Variants in ERCC5 observed in about 807,000 individuals in gnomAD.
The protein encoded by ERCC5 is ERCC excision repair 5, endonuclease, also known as DNA excision repair protein ERCC-5.
A neutral mutation model predicts 105.6 loss-of-function variants in ERCC5; 68 were observed. That is an observed-to-expected ratio of 0.64 (90% CI 0.53 to 0.79). The LOEUF is 0.79. Among genes scored for constraint, ERCC5 ranks in the 30% least tolerant of loss-of-function variants. The pLI is 0.00. For missense variants in ERCC5, 1,373 were observed against 1,426.7 expected (o/e 0.96, Z 0.61); for synonymous variants, 546 against 526.2 (o/e 1.04, Z -0.51).
intron 1 of ERCC5, among the ~76,000 whole-genome samples, chr13:102,847,513 G>A (rs1388404847): frequency 6.6e-6 from 1 of 151,834 alleles, no homozygotes; most frequent in Non-Finnish European, 1.5e-5. Context: ...TTCTTCAGTA[G>A]GTACAAAACT....
chr13:102,850,037 G>A (rs904196661), intron 1 of ERCC5, among the ~76,000 whole-genome samples: 14 of 151,788 alleles, frequency 9.2e-5, no homozygotes, highest in Non-Finnish European at 1.6e-4. Context: ...CGCCTCCCAG[G>A]TTCAATCGAT....
rs1470618547 is a variant in ERCC5 at position 102,862,846 on chromosome 13, A to G, written c.1697A>G (p.Glu566Gly). The change falls in exon 8 of 15, where the codon GAA (glutamate) becomes GGA (glycine). Residue 566 changes from glutamate to glycine, a missense_variant. Around this residue, in one of 3 missense-constraint regions of ERCC5, gnomAD observed 1,004 missense variants for 1,059.7 expected, o/e 0.95. Transcript: ENST00000652225. ...FDSSLLSSDD[E>G]TKCKPNSASE... ...TCTTCTCTTCTTTCAAGTGATGATG[A>G]AACAAAATGTAAACCGAATTCTGCT... is the stretch of plus-strand genomic sequence containing the variant. The G allele has an allele frequency of 6.2e-7, 1 of 1,614,256 alleles. No individual in the cohort carries two copies. Among genetic ancestry groups the G allele is most frequent in the South Asian group, 1.1e-5 (1 of 91,082 alleles).
intron 7 of ERCC5, 30 bp from the exon 8 acceptor site, chr13:102,862,000 A>C: frequency 6.2e-7 from 1 of 1,612,786 alleles, no homozygotes; most frequent in Non-Finnish European, 8.5e-7. Context: ...GTAAAACTGA[A>C]TGGTGAGAAG....
chr13:102,874,543 A>G (rs1883132334), intron 14 of ERCC5, among the ~76,000 whole-genome samples: 2 of 151,998 alleles, frequency 1.3e-5, no homozygotes, highest in Admixed American at 6.5e-5. Flanking sequence ...TTTTTTTGAG[A>G]CGGAGTCTCA....
At position 102,862,815 on chromosome 13, in the gene ERCC5, T is replaced by G. The variant is rs372128804; in HGVS notation, c.1666T>G (p.Phe556Val). 3.7e-6 allele frequency: 6 copies of G among 1,614,202 alleles called. No homozygotes were observed. The highest frequency in any genetic ancestry group is 1.3e-5 in the African/African-American group (1 of 75,034). ...QNELCPYESKFDSSLLSSDDE... is the reference protein window; with the variant it reads ...QNELCPYESKVDSSLLSSDDE... The stretch of plus-strand genomic sequence containing the variant: ...CGAACTTTGCCCATATGAGAGTAAA[T>G]TCGATTCTTCTCTTCTTTCAAGTGA... The change falls in exon 8 of 15, where the codon TTC (phenylalanine) becomes GTC (valine). Residue 556 changes from phenylalanine to valine, a missense_variant. Phe to Val is a conservative substitution (Grantham distance 50). Coordinates refer to ENST00000652225, the MANE Select transcript of ERCC5 (RefSeq NM_000123.4).
chr13:102,856,221 TAA>T, intron 5 of ERCC5, 109 bp downstream of exon 5: 1 of 1,168,560 alleles, frequency 8.6e-7, no homozygotes, highest in South Asian at 1.3e-5. Flanking sequence ...TGATAAAAAG[TAA>T]AGACAGATGG....
In ERCC5 at chr13:102,866,850, G is replaced by C; in HGVS notation, c.2533+5G>C. ...TGGACTTTCACAATCAATTGGGTAA[G>C]ACTTCAGAGTCTTTTTGATTACTTT... On this transcript the variant is annotated splice_donor_5th_base_variant and intron_variant, in intron 11 of 14. Transcript: ENST00000652225. 1 of 1,603,846 alleles carries C rather than the reference G, an allele frequency of 6.2e-7. No individual in the cohort carries two copies. Among genetic ancestry groups the C allele is most frequent in the South Asian group, 1.1e-5 (1 of 89,946 alleles).
chr13:102,855,374 G>T (rs540343396), intron 4 of ERCC5, among the ~76,000 whole-genome samples: 2 of 151,522 alleles, frequency 1.3e-5, no homozygotes, highest in South Asian at 4.2e-4. Context: ...CTCAGCCTCC[G>T]GAGTAGCTGG....
chr13:102,866,817 T>C lies in ERCC5; in HGVS notation c.2505T>C (p.Tyr835=), dbSNP rs1003011083. Residue 835 remains tyrosine, a synonymous_variant, in exon 11 of 15, where the codon TAT becomes TAC. Transcript: ENST00000652225. The stretch of plus-strand genomic sequence containing the variant: ...ATAAAAACAAGTTTGTAGAATATTA[T>C]CAATATGTGGACTTTCACAATCAAT... ...FFNKNKFVEY[Y]QYVDFHNQLG... The C allele has an allele frequency of 1.4e-5, 22 of 1,612,862 alleles. No individual in the cohort carries two copies. The highest frequency in any genetic ancestry group is 1.8e-5 in the Non-Finnish European group (21 of 1,179,226).
chr13:102,870,641 G>C (rs1883001022), intron 12 of ERCC5, among the ~76,000 whole-genome samples: 1 of 152,188 alleles, frequency 6.6e-6, no homozygotes, highest in Non-Finnish European at 1.5e-5. Flanking sequence ...TATTCTCTCA[G>C]TGCACTCCTG....
At chr13:102,857,539 T>C (rs1056696217) in intron 5 of ERCC5, among the ~76,000 whole-genome samples, 2 of 152,218 alleles carry the variant, frequency 1.3e-5, no homozygotes, top group Non-Finnish European at 2.9e-5. Context: ...TATTAGCTTA[T>C]CTTTTTTACT....
intron 3 of ERCC5, 68 bp from the exon 4 acceptor site, chr13:102,854,220 G>T (rs1437939508): frequency 1.5e-5 from 23 of 1,539,116 alleles, no homozygotes; most frequent in Non-Finnish European, 2.1e-5. Flanking sequence ...GAGCAGCCAG[G>T]TCAGGTCCCT....
At chr13:102,856,342 T>C (rs1882420542) in intron 5 of ERCC5, among the ~76,000 whole-genome samples, 1 of 152,040 alleles carries the variant, frequency 6.6e-6, no homozygotes, top group South Asian at 2.1e-4. Flanking sequence ...ATCTATATAT[T>C]CAAAACAAGC....
In ERCC5 at chr13:102,853,786, G is replaced by A. The variant is rs780506840; in HGVS notation, c.294G>A (p.Ala98=). The A allele has an allele frequency of 5.8e-5, 94 of 1,614,134 alleles. No homozygotes were observed. The East Asian group carries it at 1.2e-3, about 20-fold the overall frequency. The part of the protein sequence containing the change: ...LVKRRQRKDL[A]SSDSRKTTEK... ...AGAGAAGGCAGAGAAAGGACTTAGC[G>A]TCCAGTGACTCCAGGAAAACGACAG... The change falls in exon 3 of 15, where the codon GCG becomes GCA. Residue 98 remains alanine, a synonymous_variant. Coordinates refer to ENST00000652225, the MANE Select transcript of ERCC5 (RefSeq NM_000123.4).
At chr13:102,850,045 G>A (rs1458093213) in intron 1 of ERCC5, among the ~76,000 whole-genome samples, 1 of 151,500 alleles carries the variant, frequency 6.6e-6, no homozygotes, top group Non-Finnish European at 1.5e-5. Context: ...AGGTTCAATC[G>A]ATTCTCCTGC....
intron 12 of ERCC5, among the ~76,000 whole-genome samples, chr13:102,869,606 T>C (rs888856237): frequency 1.3e-5 from 2 of 152,218 alleles, no homozygotes; most frequent in Admixed American, 6.5e-5. Flanking sequence ...AACGATGATA[T>C]AGATTTATAT....
At chr13:102,864,481 T>A (rs1433243747) in intron 8 of ERCC5, among the ~76,000 whole-genome samples, 2 of 152,198 alleles carry the variant, frequency 1.3e-5, no homozygotes, top group African/African-American at 4.8e-5. Context: ...TGTATTCCTA[T>A]TTAGTGAGTT....
chr13:102,854,279 A>G lies in ERCC5; in HGVS notation c.381-9A>G, dbSNP rs371521832. On this transcript the variant is annotated splice_polypyrimidine_tract_variant and intron_variant, in intron 3 of 14. Transcript: ENST00000652225. The stretch of plus-strand genomic sequence containing the variant: ...GCATAATCTGTTTAAAGATTTGTGT[A>G]CTTTCCAGAGATGAAGCACTACCCA... 137 of 1,614,022 alleles carry G rather than the reference A, an allele frequency of 8.5e-5. No individual in the cohort carries two copies. The highest frequency in any genetic ancestry group is 1.1e-4 in the Non-Finnish European group (134 of 1,179,990).
At chr13:102,854,104 G>A (rs947778287) in intron 3 of ERCC5, among the ~76,000 whole-genome samples, 184 bp from the exon 4 acceptor site, 3 of 152,150 alleles carry the variant, frequency 2.0e-5, no homozygotes, top group African/African-American at 7.2e-5. Flanking sequence ...GTTGCGTCAT[G>A]TACACTTTTT....
Sources: allele counts gnomAD v4.1 joint callset (sites outside exome capture counted in the v4.1 genomes callset), GRCh38; gene constraint gnomAD v4.1.1; regional missense constraint gnomAD v4.1.1; transcripts MANE v1.5; gene names NCBI Gene and HGNC (gene_info 2026-07-23, HGNC 2026-07-21).